CCDC39: variants seen among roughly 807,000 people sequenced by gnomAD.
CCDC39 encodes coiled-coil domain-containing protein 39.
In CCDC39, 113 loss-of-function variants were observed where a neutral mutation model predicts 121.0. The ratio of observed to expected loss-of-function variants is 0.93; its 90% CI spans 0.80 to 1.09. The LOEUF is 1.09. Ranked by LOEUF, CCDC39 falls within the 50% of genes least tolerant of loss-of-function variation. The pLI is 0.00. For synonymous variants in CCDC39, 349 were observed against 352.2 expected, an observed-to-expected ratio of 0.99 and a Z score of 0.10; for missense variants, 1,063 against 1,074.7, an observed-to-expected ratio of 0.99 and a Z score of 0.15.
rs897771164 is a variant in CCDC39 at position 180,648,299 on chromosome 3, G to C, written c.1228C>G (p.Gln410Glu). Residue 410 changes from glutamine to glutamate, a missense_variant, in exon 10 of 20, where the codon CAG (glutamine) becomes GAG (glutamate). Physicochemically the swap from Gln to Glu is conservative, Grantham distance 29. Transcript: ENST00000476379. ...GVLFKKAQEL[Q>E]TETMKEKAVL... ...GCTTTTTCTTTCATTGTCTCAGTCT[G>C]TAACTCCTGAGCTTTCTTAAACAGC... The C allele has an allele frequency of 1.4e-5, 22 of 1,611,520 alleles. No homozygotes were observed. The highest frequency in any genetic ancestry group is 1.9e-5 in the Non-Finnish European group (22 of 1,178,852).
chr3:180,650,856 C>G (rs1718184862), intron 9 of CCDC39, among the ~76,000 whole-genome samples: 1 of 150,340 alleles, frequency 6.7e-6, no homozygotes, highest in South Asian at 2.1e-4. Flanking sequence ...GACTTAGTCT[C>G]AAAAAAATAA....
At chr3:180,620,537 A>G (rs886512832) in intron 14 of CCDC39, among the ~76,000 whole-genome samples, 92 of 152,034 alleles carry the variant, frequency 6.1e-4, no homozygotes, top group South Asian at 2.1e-4. Context: ...ACTTTCTACC[A>G]GGGTAATGCT....
intron 1 of CCDC39, among the ~76,000 whole-genome samples, chr3:180,675,444 T>C (rs1008482617): frequency 1.3e-5 from 2 of 152,176 alleles, no homozygotes; most frequent in South Asian, 2.1e-4. Flanking sequence ...CCTGGATTCA[T>C]TGATTTTTTG....
Position 180,640,654 on chromosome 3 carries a change from G to A in CCDC39, c.1874+1339C>T, listed in dbSNP as rs112737694. 5.2e-3 allele frequency among the ~76,000 whole-genome samples: 791 copies of A among 151,920 alleles called. 6 individuals carry two copies. The highest frequency in any genetic ancestry group is 0.018 in the African/African-American group (757 of 41,506). Reference sequence around the variant, plus strand: ...CTAATAAAATTATAAACAACTGTATGGCAATAAATTTGAAATTTGGATAAA... The same window carrying A: ...CTAATAAAATTATAAACAACTGTATAGCAATAAATTTGAAATTTGGATAAA... On this transcript the variant is annotated intron_variant, in intron 13 of 19. Transcript: ENST00000476379.
intron 15 of CCDC39, 73 bp from the exon 16 acceptor site, chr3:180,619,438 A>G: frequency 1.3e-6 from 1 of 760,770 alleles, no homozygotes; most frequent in Non-Finnish European, 2.1e-6. Flanking sequence ...TATTATGTAA[A>G]TTGCACCAAT....
In CCDC39 at chr3:180,638,583, T is replaced by C. The variant is rs568686346; in HGVS notation, c.1874+3410A>G. On this transcript the variant is annotated intron_variant, in intron 13 of 19. Coordinates refer to ENST00000476379, the MANE Select transcript of CCDC39 (RefSeq NM_181426.2). Reference sequence around the variant, plus strand: ...GCACATGAAGAAGTTTTTAAAAAAGTAAAGACATAATATTAAAAACAATAG... The same window carrying C: ...GCACATGAAGAAGTTTTTAAAAAAGCAAAGACATAATATTAAAAACAATAG... Among the ~76,000 whole-genome samples the C allele has an allele frequency of 6.4e-4, 98 of 151,942 alleles. 1 individual carries two copies. The highest frequency in any genetic ancestry group is 7.8e-4 in the Non-Finnish European group (53 of 67,902).
chr3:180,651,722 G>A (rs1351079824), intron 8 of CCDC39, among the ~76,000 whole-genome samples, 189 bp from the exon 9 acceptor site: 1 of 152,106 alleles, frequency 6.6e-6, no homozygotes, highest in Non-Finnish European at 1.5e-5. Flanking sequence ...GAAAATATGA[G>A]TAAAATTTTT....
intron 3 of CCDC39, 35 bp downstream of exon 3, chr3:180,661,826 T>C: frequency 1.3e-6 from 2 of 1,539,548 alleles, no homozygotes; most frequent in Non-Finnish European, 1.8e-6. Context: ...GAATGAGCAG[T>C]AGCACAGAAT....
intron 12 of CCDC39, among the ~76,000 whole-genome samples, chr3:180,642,467 A>T (rs548319863): frequency 2.6e-5 from 4 of 152,234 alleles, no homozygotes; most frequent in African/African-American, 9.6e-5. Context: ...GTTATTCCTG[A>T]AGTTAAACTT....
intron 9 of CCDC39, among the ~76,000 whole-genome samples, chr3:180,649,569 G>C (rs1718149488): frequency 6.6e-6 from 1 of 152,080 alleles, no homozygotes; most frequent in Admixed American, 6.6e-5. Flanking sequence ...TCTTCTCAAA[G>C]ATTGCCTGGC....
intron 1 of CCDC39, among the ~76,000 whole-genome samples, chr3:180,668,356 G>C (rs545048350): frequency 6.6e-6 from 1 of 151,970 alleles, no homozygotes; most frequent in Non-Finnish European, 1.5e-5. Flanking sequence ...TCTAGCCTGC[G>C]CAAAAAAATG....
At chr3:180,619,667 T>G in intron 15 of CCDC39, 144 bp downstream of exon 15, 1 of 578,682 alleles carries the variant, frequency 1.7e-6, no homozygotes, top group Non-Finnish European at 2.9e-6. Flanking sequence ...AAAAATGTCG[T>G]GGGGGGAGGA....
chr3:180,637,765 CT>C (rs1717866066), intron 13 of CCDC39, among the ~76,000 whole-genome samples: 1 of 152,100 alleles, frequency 6.6e-6, no homozygotes, highest in African/African-American at 2.4e-5. Flanking sequence ...AGAATAAGAT[CT>C]TGTGTTTCAT....
At chr3:180,648,417 T>C (rs1311383098) in intron 9 of CCDC39, 58 bp from the exon 10 acceptor site, 1 of 1,149,452 alleles carries the variant, frequency 8.7e-7, no homozygotes, top group Non-Finnish European at 1.2e-6. Context: ...GTTGTATTTA[T>C]ATGAACATAA....
At chr3:180,630,408 C>T (rs897518887) in intron 14 of CCDC39, among the ~76,000 whole-genome samples, 2 of 152,038 alleles carry the variant, frequency 1.3e-5, no homozygotes, top group Non-Finnish European at 2.9e-5. Flanking sequence ...GCATACCATA[C>T]TTGCTGCATT....
chr3:180,652,949 A>T (rs905608020), intron 7 of CCDC39, among the ~76,000 whole-genome samples: 1 of 152,224 alleles, frequency 6.6e-6, no homozygotes, highest in Non-Finnish European at 1.5e-5. Context: ...AATTTAACCA[A>T]GGAAGAAAAA....
intron 13 of CCDC39, among the ~76,000 whole-genome samples, chr3:180,635,872 G>C (rs1717813605): frequency 6.6e-6 from 1 of 152,178 alleles, no homozygotes; most frequent in African/African-American, 2.4e-5. Context: ...TATCTTAATA[G>C]ATCTATAAAA....
intron 16 of CCDC39, chr3:180,617,497 C>G (rs1318193477): frequency 1.5e-6 from 1 of 673,694 alleles, no homozygotes; most frequent in Non-Finnish European, 2.7e-6. Flanking sequence ...GTTACTGACC[C>G]TGAAGACCTT....
intron 6 of CCDC39, among the ~76,000 whole-genome samples, chr3:180,657,184 A>T (rs142909703): frequency 6.6e-6 from 1 of 152,144 alleles, no homozygotes; most frequent in African/African-American, 2.4e-5. Context: ...GGGTTTTTTC[A>T]AAATGTGTTG....
Sources: allele counts gnomAD v4.1 joint callset (sites outside exome capture counted in the v4.1 genomes callset), GRCh38; gene constraint gnomAD v4.1.1; transcripts MANE v1.5; gene names NCBI Gene and HGNC (gene_info 2026-07-23, HGNC 2026-07-21).